GABPA: variants seen among roughly 807,000 people sequenced by gnomAD.
The protein encoded by GABPA is GA binding protein transcription factor subunit alpha.
GABPA carries 4 observed loss-of-function variants against 59.4 expected under a neutral mutation model. The observed-to-expected ratio is 0.07, with a 90% CI of 0.03 to 0.15. The LOEUF is 0.15. GABPA is among the 10% of genes least tolerant of loss of function. GABPA has a pLI of 1.00. For missense variants in GABPA, 251 were observed against 543.8 expected (o/e 0.46, Z 5.36); for synonymous variants, 164 against 183.1 (o/e 0.90, Z 0.84).
At chr21:25,761,011 CTT>C (rs2035753271) in intron 6 of GABPA, among the ~76,000 whole-genome samples, 1 of 152,098 alleles carries the variant, frequency 6.6e-6, no homozygotes, top group Non-Finnish European at 1.5e-5. Context: ...TCGTTTGCCT[CTT>C]TTGAGGCTAG....
chr21:25,759,181 T>C (rs1419138829), intron 6 of GABPA, among the ~76,000 whole-genome samples: 1 of 152,236 alleles, frequency 6.6e-6, no homozygotes, highest in Non-Finnish European at 1.5e-5. Flanking sequence ...TCAGTCACTG[T>C]TAAGACACCG....
chr21:25,760,641 A>G (rs2035743607), intron 6 of GABPA, among the ~76,000 whole-genome samples: 1 of 151,998 alleles, frequency 6.6e-6, no homozygotes, highest in African/African-American at 2.4e-5. Context: ...ACCAAAGGCA[A>G]ATGAAGTTCT....
chr21:25,750,574 G>A (rs1287644676), intron 4 of GABPA, among the ~76,000 whole-genome samples: 1 of 152,134 alleles, frequency 6.6e-6, no homozygotes, highest in Non-Finnish European at 1.5e-5. Context: ...AGAAAATTAG[G>A]AAACTGTTTT....
chr21:25,738,234 C>T (rs1292608061), intron 1 of GABPA, among the ~76,000 whole-genome samples: 2 of 152,156 alleles, frequency 1.3e-5, no homozygotes, highest in Admixed American at 6.6e-5. Flanking sequence ...GCCCCCTGCC[C>T]CCAACACACA....
At chr21:25,765,572 C>T (rs185736082) in intron 9 of GABPA, among the ~76,000 whole-genome samples, 4 of 151,876 alleles carry the variant, frequency 2.6e-5, no homozygotes, top group Admixed American at 1.3e-4. Flanking sequence ...TACAGTATTA[C>T]GGCCATGTAA....
intron 2 of GABPA, among the ~76,000 whole-genome samples, chr21:25,744,847 G>C (rs1045323953): frequency 1.3e-5 from 2 of 152,160 alleles, no homozygotes; most frequent in African/African-American, 4.8e-5. Context: ...AGATTTTGAG[G>C]AGACAATGTG....
chr21:25,764,509 T>C, intron 8 of GABPA, 86 bp from the exon 9 acceptor site: 1 of 1,470,606 alleles, frequency 6.8e-7, no homozygotes, highest in Non-Finnish European at 9.3e-7. Context: ...ATGGCTGAGA[T>C]TTAAACCACG....
In GABPA at chr21:25,749,827, GTCT is replaced by G. The variant is rs1398091059; in HGVS notation, c.307+708_307+710del. On this transcript the variant is annotated intron_variant, in intron 4 of 9. Coordinates refer to ENST00000400075, the MANE Select transcript of GABPA (RefSeq NM_002040.4). ...TCTTGGGCAACAAGAGGAAAACTCT[GTCT>G]CAATCAGTCAATCAATAAAAAAATA... Among the ~76,000 whole-genome samples the G allele has an allele frequency of 8.5e-5, 13 of 152,256 alleles. No individual in the cohort carries two copies. The Middle Eastern group carries it at 0.014, about 159-fold the overall frequency.
In GABPA at chr21:25,769,474, G is replaced by T; in HGVS notation, c.*242G>T. ...TCTGCAGTGTGAAGGCAGGTTCATT[G>T]TGGAATAGTTTAACAGTCAGGAAGG... On this transcript the variant is annotated 3_prime_UTR_variant, in exon 10 of 10. Coordinates refer to ENST00000400075, the MANE Select transcript of GABPA (RefSeq NM_002040.4). The T allele has an allele frequency of 4.7e-6, 2 of 421,558 alleles. No homozygotes were observed. Among genetic ancestry groups the T allele is most frequent in the South Asian group, 6.2e-5 (2 of 32,290 alleles). The allele number at this position is 421,558 out of a possible 1,614,324, so 26.1% of individuals were successfully genotyped here. A position where few individuals can be genotyped will look rare whatever the true frequency, so the allele number is the denominator to read the frequency against.
Position 25,752,059 on chromosome 21 carries a change from A to G in GABPA, c.378A>G (p.Pro126=), listed in dbSNP as rs1169736309. Residue 126 remains proline, a synonymous_variant, in exon 5 of 10, where the codon CCA becomes CCG. Transcript: ENST00000400075. ...ACACTGTTGAGGTTGTTATTGATCC[A>G]GATGCCCACCATGCTGAATCAGAAG... ...PADTVEVVID[P]DAHHAESEAH... The G allele has an allele frequency of 1.6e-5, 26 of 1,607,494 alleles. No individual in the cohort carries two copies. The highest frequency in any genetic ancestry group is 2.1e-5 in the Non-Finnish European group (25 of 1,174,316).
chr21:25,757,131 G>A (rs73897054), intron 5 of GABPA, among the ~76,000 whole-genome samples: 3,641 of 151,972 alleles, frequency 0.024, 145 homozygotes, highest in African/African-American at 0.083. Context: ...TTATTGAATA[G>A]CATTTATTTA....
chr21:25,736,322 C>CT (rs1398496757), intron 1 of GABPA, among the ~76,000 whole-genome samples: 2 of 152,150 alleles, frequency 1.3e-5, no homozygotes, highest in Non-Finnish European at 2.9e-5. Flanking sequence ...GTAGGTCTGA[C>CT]TCGTGAGAAG....
intron 2 of GABPA, among the ~76,000 whole-genome samples, chr21:25,742,706 G>T (rs1013152047): frequency 3.3e-5 from 5 of 151,460 alleles, no homozygotes; most frequent in African/African-American, 1.2e-4. Flanking sequence ...TTGAGCCCAG[G>T]AGTTCAAGAC....
At chr21:25,736,821 A>G (rs981076748) in intron 1 of GABPA, among the ~76,000 whole-genome samples, 2 of 152,198 alleles carry the variant, frequency 1.3e-5, no homozygotes, top group Non-Finnish European at 1.5e-5. Flanking sequence ...TATTACATAG[A>G]TATGTATGCT....
rs1412781131 is a variant in GABPA at position 25,745,122 on chromosome 21, T to C, written c.78-88T>C. The C allele has an allele frequency of 2.1e-6, 3 of 1,403,418 alleles. No individual in the cohort carries two copies. In the African/African-American group the frequency reaches 4.4e-5, roughly 20 times the overall value. The allele number at this position is 1,403,418 out of a possible 1,614,324, so 86.9% of individuals were successfully genotyped here. A position where few individuals can be genotyped will look rare whatever the true frequency, so the allele number is the denominator to read the frequency against. Reference sequence around the variant, plus strand: ...CTTTTCAAAGACCAGAAATGTGTTTTGGTTTGGGATTGTGTTTTTAGCATA... The same window carrying C: ...CTTTTCAAAGACCAGAAATGTGTTTCGGTTTGGGATTGTGTTTTTAGCATA... On this transcript the variant is annotated intron_variant, in intron 2 of 9. Transcript: ENST00000400075.
At chr21:25,751,478 T>A (rs1240215059) in intron 4 of GABPA, among the ~76,000 whole-genome samples, 2 of 151,670 alleles carry the variant, frequency 1.3e-5, no homozygotes, top group African/African-American at 2.4e-5. Context: ...AAAATGAAAT[T>A]TAGAATTTAA....
At chr21:25,764,423 T>C (rs144990748) in intron 8 of GABPA, 73 bp downstream of exon 8, 3 of 1,455,826 alleles carry the variant, frequency 2.1e-6, no homozygotes, top group South Asian at 2.6e-5. Context: ...TTTTACTGTA[T>C]GAAAAATGTG....
intron 9 of GABPA, among the ~76,000 whole-genome samples, chr21:25,767,600 A>G (rs2035922869): frequency 6.6e-6 from 1 of 152,022 alleles, no homozygotes; most frequent in Non-Finnish European, 1.5e-5. Flanking sequence ...CTAGAATTAT[A>G]AAACCTCTTT....
rs886610801 is a variant in GABPA at position 25,746,043 on chromosome 21, G to A, written c.222+689G>A. Among the ~76,000 whole-genome samples, 5 of 150,416 alleles carry A rather than the reference G, an allele frequency of 3.3e-5. 1 individual carries two copies. Among genetic ancestry groups the A allele is most frequent in the African/African-American group, 9.8e-5 (4 of 40,856 alleles). On this transcript the variant is annotated intron_variant, in intron 3 of 9. Coordinates refer to ENST00000400075, the MANE Select transcript of GABPA (RefSeq NM_002040.4). ...TTTCTTTTTTTTGAAATGGAGTCTCGTTCTGTCACCCAGGCTTTAGTGCAG... is the reference window on the plus strand; with the variant it reads ...TTTCTTTTTTTTGAAATGGAGTCTCATTCTGTCACCCAGGCTTTAGTGCAG...
Sources: gnomAD v4.1 joint callset for allele counts (sites outside exome capture counted in the v4.1 genomes callset) on GRCh38, gnomAD v4.1.1 for gene constraint, MANE v1.5 for transcripts, NCBI Gene and HGNC (gene_info 2026-07-23, HGNC 2026-07-21) for gene names.